The following UGT3A1 variants were observed in gnomAD, a reference collection of about 807,000 sequenced individuals.
The protein encoded by UGT3A1 is UDP glycosyltransferase family 3 member A1.
UGT3A1 carries 40 observed loss-of-function variants against 37.6 expected under a neutral mutation model. The ratio of observed to expected loss-of-function variants is 1.06; its 90% CI spans 0.83 to 1.38. The LOEUF (loss-of-function observed/expected upper bound fraction) is 1.38, where lower values mean the gene tolerates loss of function less well. Among genes scored for constraint, UGT3A1 ranks in the 40% most tolerant of loss-of-function variants. The pLI is 0.00. For missense variants in UGT3A1, 642 were observed against 634.2 expected, an observed-to-expected ratio of 1.01 and a Z score of -0.13; for synonymous variants, 256 against 232.3, an observed-to-expected ratio of 1.10 and a Z score of -0.93.
intron 2 of UGT3A1, among the ~76,000 whole-genome samples, chr5:35,978,576 A>G (rs1740392644): frequency 6.6e-6 from 1 of 152,148 alleles, no homozygotes; most frequent in South Asian, 2.1e-4. Flanking sequence ...CAAGAACAGC[A>G]TGGGAAAGAA....
chr5:35,995,324 A>G (rs1741069794), upstream of UGT3A1, among the ~76,000 whole-genome samples: 1 of 152,160 alleles, frequency 6.6e-6, no homozygotes, highest in South Asian at 2.1e-4. Flanking sequence ...CATCTGGAAG[A>G]TGTGAAAATG....
At chr5:35,980,479 A>T (rs981513762) in intron 2 of UGT3A1, among the ~76,000 whole-genome samples, 3 of 152,238 alleles carry the variant, frequency 2.0e-5, no homozygotes, top group African/African-American at 7.2e-5. Context: ...AGAGCTGCAG[A>T]GAGAAAAGTC....
In UGT3A1 at chr5:35,951,586, T is replaced by C. The variant is rs1028165127; in HGVS notation, c.*2616A>G. 2 of 152,242 alleles carry C rather than the reference T, an allele frequency of 1.3e-5. No individual in the cohort carries two copies. The highest frequency in any genetic ancestry group is 1.3e-4 in the Admixed American group (2 of 15,294). 9.4% of individuals were successfully genotyped at this position (152,242 alleles called of 1,614,324 possible). ...TTCAATTTTAATAGTTCTTAGTTTA[T>C]CAGAAATATTAGGTCTATGTGTAAG... On this transcript the variant is annotated 3_prime_UTR_variant, in exon 7 of 7. Coordinates refer to ENST00000274278, the MANE Select transcript of UGT3A1 (RefSeq NM_152404.4).
At chr5:35,968,281 T>C in intron 2 of UGT3A1, 148 bp from the exon 3 acceptor site, 1 of 585,092 alleles carries the variant, frequency 1.7e-6, no homozygotes, top group East Asian at 3.0e-5. Flanking sequence ...TTTTTCTTTT[T>C]CATTCATTCA....
At chr5:35,994,337 G>T (rs868821005), upstream of UGT3A1, among the ~76,000 whole-genome samples, 1 of 121,896 alleles carries the variant, frequency 8.2e-6, no homozygotes, top group South Asian at 2.3e-4. Context: ...TTTTGTTTGT[G>T]TGTGTGTGTG....
chr5:35,991,609 T>C (rs1483159391), upstream of UGT3A1: 1 of 1,019,554 alleles, frequency 9.8e-7, no homozygotes, highest in African/African-American at 1.7e-5. Flanking sequence ...GAAGGCTCCA[T>C]CCCCAAGGAA....
intron 2 of UGT3A1, 117 bp downstream of exon 2, chr5:35,988,333 T>G (rs1048876721): frequency 1.9e-5 from 13 of 690,600 alleles, no homozygotes; most frequent in Middle Eastern, 3.9e-4. Flanking sequence ...ACACATTTAT[T>G]CATCCCGAAA....
intron 2 of UGT3A1, among the ~76,000 whole-genome samples, chr5:35,985,375 A>G (rs1306993494): frequency 6.6e-6 from 1 of 152,182 alleles, no homozygotes; most frequent in Non-Finnish European, 1.5e-5. Flanking sequence ...TGTATATGGA[A>G]CCATAAAAGA....
chr5:35,987,431 T>C (rs760533669), intron 2 of UGT3A1, among the ~76,000 whole-genome samples: 42 of 152,168 alleles, frequency 2.8e-4, no homozygotes, highest in Non-Finnish European at 4.7e-4. Flanking sequence ...TAGATTTTGG[T>C]GTGCATGGTC....
chr5:35,998,126 G>T (rs1463661905), intron 1 of UGT3A1, among the ~76,000 whole-genome samples: 1 of 152,118 alleles, frequency 6.6e-6, no homozygotes, highest in Admixed American at 6.5e-5. Flanking sequence ...GACTCCAGAG[G>T]GACAATCAGC....
upstream of UGT3A1, among the ~76,000 whole-genome samples, chr5:35,993,046 A>G (rs1050788717): frequency 4.6e-5 from 7 of 152,152 alleles, no homozygotes; most frequent in Non-Finnish European, 1.0e-4. Context: ...TTACAGGTGC[A>G]GTCACCCCCA....
Position 35,954,029 on chromosome 5 carries a change from G to T in UGT3A1, c.*173C>A. Reference sequence around the variant, plus strand: ...CAAGTCACAAGGGGCAAGTCAAGAAGCCTCAGTGGTGCGTGAAGATTTCTA... The same window carrying T: ...CAAGTCACAAGGGGCAAGTCAAGAATCCTCAGTGGTGCGTGAAGATTTCTA... On this transcript the variant is annotated 3_prime_UTR_variant, in exon 7 of 7. Transcript: ENST00000274278. 1 of 704,180 alleles carries T rather than the reference G, an allele frequency of 1.4e-6. No individual in the cohort carries two copies. The highest frequency in any genetic ancestry group is 2.3e-6 in the Non-Finnish European group (1 of 437,944). 43.6% of individuals were successfully genotyped at this position (704,180 alleles called of 1,614,324 possible).
In UGT3A1 at chr5:35,953,830, T is replaced by G; in HGVS notation, c.*372A>C. ...ATGGAAGAATTTGAAATGGAAGATATGTCAAATATTTCCTGAGTTTTTTTA... is the reference window on the plus strand; with the variant it reads ...ATGGAAGAATTTGAAATGGAAGATAGGTCAAATATTTCCTGAGTTTTTTTA... On this transcript the variant is annotated 3_prime_UTR_variant, in exon 7 of 7. Transcript: ENST00000274278. 5.3e-6 allele frequency: 1 copy of G among 190,400 alleles called. No homozygotes were observed. The highest frequency in any genetic ancestry group is 1.1e-5 in the Non-Finnish European group (1 of 91,762). 11.8% of individuals were successfully genotyped at this position (190,400 alleles called of 1,614,324 possible). A position where few individuals can be genotyped will look rare whatever the true frequency, so the allele number is the denominator to read the frequency against.
At chr5:35,961,504 T>A (rs1739582508) in intron 4 of UGT3A1, 1 of 152,244 alleles carries the variant, frequency 6.6e-6, no homozygotes, top group Non-Finnish European at 1.5e-5. Context: ...AAAACCATTC[T>A]GCTTTGAGCT....
intron 4 of UGT3A1, chr5:35,961,620 G>A (rs1739588970): frequency 6.6e-6 from 1 of 152,124 alleles, no homozygotes; most frequent in Non-Finnish European, 1.5e-5. Context: ...GTGTACCCTG[G>A]GAATTCTGGG....
chr5:35,989,607 A>C (rs1740857243), intron 1 of UGT3A1, among the ~76,000 whole-genome samples: 1 of 152,202 alleles, frequency 6.6e-6, no homozygotes, highest in African/African-American at 2.4e-5. Context: ...ACAGGGACTC[A>C]GGAAGAAGGG....
intron 1 of UGT3A1, among the ~76,000 whole-genome samples, chr5:36,000,602 C>G (rs891526228): frequency 6.6e-6 from 1 of 152,166 alleles, no homozygotes; most frequent in African/African-American, 2.4e-5. Context: ...CTCCAGTTTA[C>G]TAAACATCAA....
chr5:35,971,449 A>G (rs573081926), intron 2 of UGT3A1, among the ~76,000 whole-genome samples: 8 of 142,752 alleles, frequency 5.6e-5, no homozygotes, highest in Admixed American at 3.7e-4. Context: ...AAACTGGTGA[A>G]AATGACACAC....
chr5:35,971,055 T>A (rs994773979), intron 2 of UGT3A1, among the ~76,000 whole-genome samples: 1 of 152,178 alleles, frequency 6.6e-6, no homozygotes, highest in Non-Finnish European at 1.5e-5. Context: ...CCTTTATCTT[T>A]AAAAGGCCAT....
Sources: gnomAD v4.1 joint callset for allele counts (sites outside exome capture counted in the v4.1 genomes callset) on GRCh38, gnomAD v4.1.1 for gene constraint, MANE v1.5 for transcripts, NCBI Gene and HGNC (gene_info 2026-07-23, HGNC 2026-07-21) for gene names.